Variants in COL3A1 observed in about 807,000 individuals in gnomAD.
COL3A1 encodes collagen alpha-1(III) chain.
COL3A1 carries 46 observed loss-of-function variants against 200.9 expected under a neutral mutation model. That is an observed-to-expected ratio of 0.23 (90% CI 0.18 to 0.29). The LOEUF (loss-of-function observed/expected upper bound fraction) is 0.29, where lower values mean the gene tolerates loss of function less well. Ranked by LOEUF, COL3A1 falls within the 10% of genes least tolerant of loss-of-function variation. COL3A1 has a pLI of 1.00. For missense variants in COL3A1, 1,367 were observed against 1,917.6 expected (o/e 0.71, Z 5.36); for synonymous variants, 650 against 628.0 (o/e 1.03, Z -0.52).
In COL3A1 at chr2:188,990,375, T is replaced by C; in HGVS notation, c.798+15T>C. 1 of 1,610,674 alleles carries C rather than the reference T, an allele frequency of 6.2e-7. No homozygotes were observed. The highest frequency in any genetic ancestry group is 8.5e-7 in the Non-Finnish European group (1 of 1,177,324). On this transcript the variant is annotated intron_variant, in intron 10 of 50. Transcript: ENST00000304636. ...AAGGACACAGAGTAAGTAGAGTTTC[T>C]AAGTTGTTTACAAGGTATTCCACTG...
Position 188,993,402 on chromosome 2 carries a change from C to T in COL3A1, c.1092C>T (p.Ala364=), listed in dbSNP as rs1688229614. The T allele has an allele frequency of 1.9e-6, 3 of 1,569,378 alleles. No individual in the cohort carries two copies. The highest frequency in any genetic ancestry group is 2.6e-6 in the Non-Finnish European group (3 of 1,156,002). The change falls in exon 16 of 51, where the codon GCC becomes GCT. Residue 364 remains alanine (A), a synonymous_variant. Coordinates refer to ENST00000304636, the MANE Select transcript of COL3A1 (RefSeq NM_000090.4). ...GPAGSPGSNG[A]PGQRGEPGPQ... is the part of the protein sequence containing the mutation. ...CAGGGTCTCCTGGTTCAAATGGTGC[C>T]CCTGGACAAAGAGGAGAACCTGGAC...
intron 9 of COL3A1, 34 bp downstream of exon 9, chr2:188,990,183 T>G (rs1688156726): frequency 3.7e-6 from 6 of 1,608,588 alleles, no homozygotes; most frequent in Non-Finnish European, 5.1e-6. Context: ...TTAATTGGAA[T>G]AATCTTAGCT....
At chr2:188,996,034 A>G (rs1332315008) in intron 22 of COL3A1, 91 bp from the exon 23 acceptor site, 8 of 1,293,222 alleles carry the variant, frequency 6.2e-6, no homozygotes, top group Non-Finnish European at 8.9e-6. Context: ...TTCACATGTA[A>G]GTGAAAATAT....
intron 39 of COL3A1, 57 bp downstream of exon 39, chr2:189,004,200 G>A (rs1339433039): frequency 1.1e-5 from 18 of 1,607,610 alleles, no homozygotes; most frequent in Middle Eastern, 1.7e-4. Context: ...ATCACAAATC[G>A]ATTAGAGAAA....
intron 8 of COL3A1, among the ~76,000 whole-genome samples, chr2:188,989,781 C>G (rs572631735): frequency 3.3e-5 from 5 of 152,196 alleles, no homozygotes; most frequent in African/African-American, 1.2e-4. Context: ...ATTTAATGAA[C>G]TTGAGAAGTT....
chr2:189,004,434 A>C, intron 40 of COL3A1, 70 bp downstream of exon 40: 34 of 1,406,688 alleles, frequency 2.4e-5, no homozygotes, highest in Non-Finnish European at 2.9e-5. Context: ...TAACCATATC[A>C]AGGATGAAAA....
At chr2:189,000,351 G>C (rs962970615) in intron 32 of COL3A1, among the ~76,000 whole-genome samples, 1 of 152,314 alleles carries the variant, frequency 6.6e-6, no homozygotes, top group South Asian at 2.1e-4. Flanking sequence ...AACATACTCA[G>C]TGAAGAAAAT....
chr2:188,984,634 A>T, intron 1 of COL3A1, 126 bp from the exon 2 acceptor site: 1 of 816,818 alleles, frequency 1.2e-6, no homozygotes, highest in Non-Finnish European at 2.0e-6. Flanking sequence ...TTTTCTAATG[A>T]AAGGAAGAAA....
At chr2:188,990,405 A>AAACATAGCCCAG in intron 10 of COL3A1, 45 bp downstream of exon 10, 1 of 1,515,170 alleles carries the variant, frequency 6.6e-7, no homozygotes, top group Non-Finnish European at 9.2e-7. Flanking sequence ...CCACTGGGCT[A>AAACATAGCCCAG]TGTTTACTTG....
At chr2:189,004,502 T>C (rs1688545532) in intron 40 of COL3A1, 138 bp downstream of exon 40, 1 of 787,606 alleles carries the variant, frequency 1.3e-6, no homozygotes, top group Non-Finnish European at 2.0e-6. Context: ...TTTTTAGATT[T>C]TTAAAAGCAT....
At chr2:189,000,686 T>C (rs1375401840) in intron 32 of COL3A1, among the ~76,000 whole-genome samples, 1 of 152,184 alleles carries the variant, frequency 6.6e-6, no homozygotes, top group Non-Finnish European at 1.5e-5. Context: ...TTTCCTAGTT[T>C]TGATATTATA....
chr2:188,974,431 T>C lies in COL3A1; in HGVS notation c.-59T>C. ...GCAGGGAACAACTTGATGGTGCTACTTTGAACTGCTTTTCTTTTCTCCTTT... is the reference window on the plus strand; with the variant it reads ...GCAGGGAACAACTTGATGGTGCTACCTTGAACTGCTTTTCTTTTCTCCTTT... On this transcript the variant is annotated 5_prime_UTR_variant, in exon 1 of 51. Coordinates refer to ENST00000304636, the MANE Select transcript of COL3A1 (RefSeq NM_000090.4). The C allele has an allele frequency of 7.3e-7, 1 of 1,374,530 alleles. No individual in the cohort carries two copies. The allele number at this position is 1,374,530 out of a possible 1,614,324, so 85.1% of individuals were successfully genotyped here.
In COL3A1 at chr2:189,011,896, T is replaced by G; in HGVS notation, c.*122T>G. The stretch of plus-strand genomic sequence containing the variant: ...TCCAGTTATTTATTTCCAAAATGTT[T>G]GGAAACAGTATAATTTGACAAAGAA... On this transcript the variant is annotated 3_prime_UTR_variant, in exon 51 of 51. Coordinates refer to ENST00000304636, the MANE Select transcript of COL3A1 (RefSeq NM_000090.4). 4 of 1,096,666 alleles carry G rather than the reference T, an allele frequency of 3.6e-6. No homozygotes were observed. Among genetic ancestry groups the G allele is most frequent in the Non-Finnish European group, 5.4e-6 (4 of 735,942 alleles). 67.9% of individuals were successfully genotyped at this position (1,096,666 alleles called of 1,614,324 possible).
chr2:188,996,333 A>G (rs959075157), intron 23 of COL3A1, 65 bp from the exon 24 acceptor site: 1 of 925,602 alleles, frequency 1.1e-6, no homozygotes, highest in Non-Finnish European at 1.7e-6. Flanking sequence ...CACACATACT[A>G]TATATATAGC....
Position 189,010,860 on chromosome 2 carries a change from C to T in COL3A1, c.4224C>T (p.Phe1408=), listed in dbSNP as rs549672243. ...TCAAGGCTGAAGGAAATAGCAAATT[C>T]ACCTACACAGTTCTGGAGGATGGTT... ...GEFKAEGNSK[F]TYTVLEDGCT... The change falls in exon 50 of 51, where the codon TTC becomes TTT. Residue 1408 remains phenylalanine (F), a synonymous_variant. Transcript: ENST00000304636. 6.2e-7 allele frequency: 1 copy of T among 1,614,018 alleles called. No homozygotes were observed. The highest frequency in any genetic ancestry group is 8.5e-7 in the Non-Finnish European group (1 of 1,180,004).
chr2:188,974,392 C>G lies in COL3A1; in HGVS notation c.-98C>G. On this transcript the variant is annotated 5_prime_UTR_variant, in exon 1 of 51. Coordinates refer to ENST00000304636, the MANE Select transcript of COL3A1 (RefSeq NM_000090.4). ...CTCAGTGGCTGAGTTTTATGACGGGCCCGGTGCTGAAGGGCAGGGAACAAC... is the reference window on the plus strand; with the variant it reads ...CTCAGTGGCTGAGTTTTATGACGGGGCCGGTGCTGAAGGGCAGGGAACAAC... The G allele has an allele frequency of 1.2e-6, 1 of 855,674 alleles. No individual in the cohort carries two copies. Among genetic ancestry groups the G allele is most frequent in the Middle Eastern group, 2.5e-4 (1 of 3,992 alleles). 53.0% of individuals were successfully genotyped at this position (855,674 alleles called of 1,614,324 possible).
At position 188,999,306 on chromosome 2, in the gene COL3A1, G is replaced by A. The variant is rs2153502995; in HGVS notation, c.2044G>A (p.Glu682Lys). Residue 682 changes from glutamate (E) to lysine (K), a missense_variant, in exon 30 of 51, where the codon GAA becomes AAA. Physicochemically the swap from Glu to Lys is moderately conservative, Grantham distance 56. Coordinates refer to ENST00000304636, the MANE Select transcript of COL3A1 (RefSeq NM_000090.4). Reference sequence around the variant, plus strand: ...ACAGGGTGATGCTGGTGCCCCTGGTGAACGTGGACCTCCTGGATTGGCAGG... The same window carrying A: ...ACAGGGTGATGCTGGTGCCCCTGGTAAACGTGGACCTCCTGGATTGGCAGG... ...GGKGDAGAPGERGPPGLAGAP... is the reference protein window; with the variant it reads ...GGKGDAGAPGKRGPPGLAGAP... 1 of 1,582,884 alleles carries A rather than the reference G, an allele frequency of 6.3e-7. No homozygotes were observed. The highest frequency in any genetic ancestry group is 8.6e-7 in the Non-Finnish European group (1 of 1,163,502).
chr2:188,990,035 A>G, intron 8 of COL3A1, 61 bp from the exon 9 acceptor site: 1 of 1,486,824 alleles, frequency 6.7e-7, no homozygotes, highest in Non-Finnish European at 9.4e-7. Context: ...CATTTTGCTT[A>G]TTGGCTACAA....
At chr2:188,988,386 A>C (rs2153501768) in intron 6 of COL3A1, among the ~76,000 whole-genome samples, 1 of 152,258 alleles carries the variant, frequency 6.6e-6, no homozygotes, top group East Asian at 1.9e-4. Context: ...TTAGTTCAAA[A>C]CCATTCAGTT....
Sources: gnomAD v4.1 joint callset for allele counts (sites outside exome capture counted in the v4.1 genomes callset) on GRCh38, gnomAD v4.1.1 for gene constraint, MANE v1.5 for transcripts, NCBI Gene and HGNC (gene_info 2026-07-23, HGNC 2026-07-21) for gene names.